Variants in UBA52 observed in about 807,000 individuals in gnomAD.
UBA52 encodes ubiquitin A-52 residue ribosomal protein fusion product 1.
UBA52 carries 1 observed loss-of-function variant against 15.3 expected under a neutral mutation model. The observed-to-expected ratio is 0.07, with a 90% CI of 0.02 to 0.31. The LOEUF is 0.31. Among genes scored for constraint, UBA52 ranks in the 10% least tolerant of loss-of-function variants. UBA52 has a pLI of 1.00. For synonymous variants in UBA52, 50 were observed against 58.3 expected (o/e 0.86, Z 0.65); for missense variants, 87 against 168.0 (o/e 0.52, Z 2.66).
chr19:18,566,917 C>T (rs1975269177), upstream of UBA52, among the ~76,000 whole-genome samples: 1 of 152,220 alleles, frequency 6.6e-6, no homozygotes, highest in African/African-American at 2.4e-5. Context: ...TTGGTGCCTA[C>T]CTTGGGGCTG....
At chr19:18,565,692 G>A in the UBA52 span, among the ~76,000 whole-genome samples, 3 of 150,316 alleles carry the variant, frequency 2.0e-5, no homozygotes, top group African/African-American at 7.3e-5. Context: ...TTTTGTTGTT[G>A]TTGTTTTATT....
In UBA52 at chr19:18,573,398, A is replaced by G. The variant is rs983914913; in HGVS notation, c.98A>G (p.Lys33Arg). 1 of 1,613,738 alleles carries G rather than the reference A, an allele frequency of 6.2e-7. No individual in the cohort carries two copies. The highest frequency in any genetic ancestry group is 8.5e-7 in the Non-Finnish European group (1 of 1,179,830). ...AATGTCAAAGCCAAAATTCAAGACA[A>G]GGAGGGTGAGTAGGGCTGGGTGTGG... ...IENVKAKIQD[K>R]EGIPPDQQRL... Residue 33 changes from lysine (K) to arginine (R), a missense_variant, in exon 2 of 5, where the codon AAG becomes AGG. Physicochemically the swap from Lys to Arg is conservative, Grantham distance 26. Transcript: ENST00000442744.
chr19:18,576,684 G>A lies in UBA52; in HGVS notation c.*1534G>A, dbSNP rs1320942481. ...CACTTTTTTTTTTTTTTTTTGAGAT[G>A]GAGCCTTGCTCCCATCGTGCAGGCT... On this transcript the variant is annotated 3_prime_UTR_variant, in exon 5 of 5. Coordinates refer to ENST00000442744, the MANE Select transcript of UBA52 (RefSeq NM_001033930.3). 7.2e-6 allele frequency: 1 copy of A among 138,960 alleles called. No homozygotes were observed. The highest frequency in any genetic ancestry group is 2.9e-5 in the African/African-American group (1 of 34,866). The allele number at this position is 138,960 out of a possible 1,614,324, so 8.6% of individuals were successfully genotyped here. A position where few individuals can be genotyped will look rare whatever the true frequency, so the allele number is the denominator to read the frequency against.
upstream of UBA52, among the ~76,000 whole-genome samples, chr19:18,571,265 G>T (rs1324563914): frequency 6.9e-6 from 1 of 145,294 alleles, no homozygotes; most frequent in African/African-American, 2.6e-5. Context: ...AGCCGAGATC[G>T]CGCCATTGCA....
At chr19:18,570,313 G>T (rs1030083880), upstream of UBA52, among the ~76,000 whole-genome samples, 5 of 151,566 alleles carry the variant, frequency 3.3e-5, no homozygotes, top group Admixed American at 3.3e-4. Context: ...CAATCCTCCT[G>T]CCTCCGAAGT....
upstream of UBA52, chr19:18,567,367 C>A: frequency 1.5e-6 from 1 of 655,180 alleles, no homozygotes. Flanking sequence ...AGAGTGGGCA[C>A]TAGGACGGGA....
At chr19:18,574,769 A>G (rs1600626047) in intron 3 of UBA52, 101 bp from the exon 4 acceptor site, 1 of 1,442,726 alleles carries the variant, frequency 6.9e-7, no homozygotes, top group East Asian at 2.4e-5. Flanking sequence ...TCCCCATCAC[A>G]CTTGAGAAAG....
At chr19:18,573,426 G>A in intron 2 of UBA52, 23 bp downstream of exon 2, 1 of 1,596,820 alleles carries the variant, frequency 6.3e-7, no homozygotes, top group Admixed American at 1.7e-5. Flanking sequence ...GGGTGTGGGG[G>A]CTCTGGCTGT....
chr19:18,573,794 C>T (rs780175504), intron 3 of UBA52, 46 bp downstream of exon 3: 1 of 1,583,036 alleles, frequency 6.3e-7, no homozygotes. Flanking sequence ...ATCCCCAGGT[C>T]CTAGGAAAGG....
In UBA52 at chr19:18,574,946, C is replaced by T; in HGVS notation, c.267C>T (p.Tyr89=). 1 of 1,614,216 alleles carries T rather than the reference C, an allele frequency of 6.2e-7. No individual in the cohort carries two copies. Residue 89 remains tyrosine (Y), a synonymous_variant, in exon 4 of 5, where the codon TAC becomes TAT. Coordinates refer to ENST00000442744, the MANE Select transcript of UBA52 (RefSeq NM_001033930.3). Reference sequence around the variant, plus strand: ...CTCTCCGCCAGCTTGCCCAGAAATACAACTGCGACAAGATGATCTGCCGCA... The same window carrying T: ...CTCTCCGCCAGCTTGCCCAGAAATATAACTGCGACAAGATGATCTGCCGCA... ...EPSLRQLAQK[Y]NCDKMICRKC...
At position 18,576,907 on chromosome 19, in the gene UBA52, AT is replaced by A. The variant is rs1975808379; in HGVS notation, c.*1758del. On this transcript the variant is annotated 3_prime_UTR_variant, in exon 5 of 5. Transcript: ENST00000442744. Reference sequence around the variant, plus strand: ...GGTCTTGAACTACTGACCTCTTGTGATCTACCTGTCTTGGCCTTCCAAAGTG... The same window carrying A: ...GGTCTTGAACTACTGACCTCTTGTGACTACCTGTCTTGGCCTTCCAAAGTG... The A allele has an allele frequency of 6.7e-6, 1 of 149,364 alleles. No individual in the cohort carries two copies. Among genetic ancestry groups the A allele is most frequent in the African/African-American group, 2.5e-5 (1 of 40,556 alleles). The allele number at this position is 149,364 out of a possible 1,614,324, so 9.3% of individuals were successfully genotyped here.
At position 18,573,734 on chromosome 19, in the gene UBA52, A is replaced by G; in HGVS notation, c.176A>G (p.Tyr59Cys). 6.2e-7 allele frequency: 1 copy of G among 1,614,038 alleles called. No homozygotes were observed. The highest frequency in any genetic ancestry group is 2.2e-5 in the East Asian group (1 of 44,884). ...GAGGATGGCCGCACTCTCTCAGACT[A>G]CAACATCCAGAAAGGTACCGGGGTT... ...QLEDGRTLSD[Y>C]NIQKESTLHL... Residue 59 changes from tyrosine to cysteine, a missense_variant, in exon 3 of 5, where the codon TAC becomes TGC. By Grantham distance (194) the Tyr-to-Cys change is radical (BLOSUM62 -2). Transcript: ENST00000442744.
upstream of UBA52, chr19:18,568,941 C>T: frequency 2.5e-6 from 1 of 396,404 alleles, no homozygotes; most frequent in Non-Finnish European, 4.6e-6. Flanking sequence ...GACGTCTGCT[C>T]TGAAGAATGC....
chr19:18,569,263 A>G (rs1420518690), upstream of UBA52: 1 of 152,876 alleles, frequency 6.5e-6, no homozygotes. Context: ...GAAGGCCTCC[A>G]TGGAGCAAAC....
At chr19:18,575,022 G>A (rs767743428) in intron 4 of UBA52, 35 bp from the exon 5 acceptor site, 29 of 1,614,198 alleles carry the variant, frequency 1.8e-5, no homozygotes, top group Non-Finnish European at 2.5e-5. Context: ...CGGAGTCGGG[G>A]TATGCCCTCA....
At position 18,573,751 on chromosome 19, in the gene UBA52, A is replaced by G. The variant is rs551913950; in HGVS notation, c.190+3A>G. On this transcript the variant is annotated splice_donor_region_variant and intron_variant, in intron 3 of 4. Transcript: ENST00000442744. ...CTCAGACTACAACATCCAGAAAGGT[A>G]CCGGGGTTGGGGTTGCTGGGCAGGG... The G allele has an allele frequency of 3.1e-6, 5 of 1,613,866 alleles. No individual in the cohort carries two copies. The highest frequency in any genetic ancestry group is 1.3e-5 in the African/African-American group (1 of 74,906).
chr19:18,575,225 A>G lies in UBA52; in HGVS notation c.*75A>G, dbSNP rs1975732022. 4 of 1,567,866 alleles carry G rather than the reference A, an allele frequency of 2.6e-6. No homozygotes were observed. Among genetic ancestry groups the G allele is most frequent in the Non-Finnish European group, 3.5e-6 (4 of 1,146,092 alleles). On this transcript the variant is annotated 3_prime_UTR_variant, in exon 5 of 5. Coordinates refer to ENST00000442744, the MANE Select transcript of UBA52 (RefSeq NM_001033930.3). ...GGAGCCTCAATAAAGTGTCCCTTTCATTGACTGGAGCAGCAATTGGTGTCC... is the reference window on the plus strand; with the variant it reads ...GGAGCCTCAATAAAGTGTCCCTTTCGTTGACTGGAGCAGCAATTGGTGTCC...
chr19:18,568,923 C>T (rs1975392731), upstream of UBA52: 6 of 453,082 alleles, frequency 1.3e-5, no homozygotes, highest in South Asian at 1.5e-4. Context: ...TTTTCCAGAG[C>T]TGAGCCTGAC....
Position 18,573,761 on chromosome 19 carries a change from G to A in UBA52, c.190+13G>A. ...AACATCCAGAAAGGTACCGGGGTTG[G>A]GGTTGCTGGGCAGGGACCCAAGATC... is the stretch of plus-strand genomic sequence containing the variant. On this transcript the variant is annotated intron_variant, in intron 3 of 4. Coordinates refer to ENST00000442744, the MANE Select transcript of UBA52 (RefSeq NM_001033930.3). 1.2e-6 allele frequency: 2 copies of A among 1,613,262 alleles called. No individual in the cohort carries two copies. The highest frequency in any genetic ancestry group is 1.7e-6 in the Non-Finnish European group (2 of 1,179,510).
Sources: allele counts gnomAD v4.1 joint callset (sites outside exome capture counted in the v4.1 genomes callset), GRCh38; gene constraint gnomAD v4.1.1; transcripts MANE v1.5; gene names NCBI Gene and HGNC (gene_info 2026-07-23, HGNC 2026-07-21).